Variants in NCMAP observed in about 807,000 individuals in gnomAD.
The protein encoded by NCMAP is non-compact myelin associated protein.
A neutral mutation model predicts 7.8 loss-of-function variants in NCMAP; 8 were observed. The ratio of observed to expected loss-of-function variants is 1.02; its 90% CI spans 0.60 to 1.84. The LOEUF (loss-of-function observed/expected upper bound fraction) is 1.84. Among genes scored for constraint, NCMAP ranks in the 40% most tolerant of loss-of-function variants. The pLI, the probability that NCMAP is intolerant of heterozygous loss-of-function variation, is 0.00. For synonymous variants in NCMAP, 41 were observed against 52.9 expected, an observed-to-expected ratio of 0.78 and a Z score of 0.98; for missense variants, 112 against 131.4, an observed-to-expected ratio of 0.85 and a Z score of 0.72.
chr1:24,585,503 G>A (rs924241756), intron 1 of NCMAP, among the ~76,000 whole-genome samples: 4 of 152,260 alleles, frequency 2.6e-5, no homozygotes, highest in Middle Eastern at 3.4e-3. Context: ...GGAAGACACT[G>A]GTTCTTGTGA....
At chr1:24,597,642 A>AGAAAGAAAGAAG (rs1491521911) in intron 2 of NCMAP, among the ~76,000 whole-genome samples, 5 of 124,744 alleles carry the variant, frequency 4.0e-5, no homozygotes, top group African/African-American at 2.0e-4. Context: ...AAAGAAAGAA[A>AGAAAGAAAGAAG]GAAAGAAAGA....
chr1:24,559,235 C>T (rs1030138932), intron 1 of NCMAP, among the ~76,000 whole-genome samples: 10 of 152,198 alleles, frequency 6.6e-5, no homozygotes, highest in African/African-American at 1.2e-4. Context: ...GTTCCCCTAT[C>T]GGTTTCCCCA....
chr1:24,558,688 G>A (rs1397769263), intron 1 of NCMAP, among the ~76,000 whole-genome samples: 1 of 152,142 alleles, frequency 6.6e-6, no homozygotes, highest in Non-Finnish European at 1.5e-5. Flanking sequence ...GAGGTGACAG[G>A]ATCTCTACAG....
chr1:24,594,213 G>A (rs923952618), intron 1 of NCMAP, among the ~76,000 whole-genome samples: 1 of 151,984 alleles, frequency 6.6e-6, no homozygotes, highest in South Asian at 2.1e-4. Flanking sequence ...TAATATCATC[G>A]TGCCTAGATT....
At chr1:24,563,589 G>T (rs1401474215) in intron 1 of NCMAP, 1 of 146,606 alleles carries the variant, frequency 6.8e-6, no homozygotes, top group Non-Finnish European at 1.5e-5. Flanking sequence ...TGAAAGTCAA[G>T]AAATCTTTGT....
intron 1 of NCMAP, among the ~76,000 whole-genome samples, chr1:24,556,571 T>G (rs1650902233): frequency 6.6e-6 from 1 of 152,140 alleles, no homozygotes; most frequent in Admixed American, 6.5e-5. Context: ...GGCGCCTTGA[T>G]GGGTCTGCCC....
chr1:24,575,811 G>A (rs1386120974), intron 1 of NCMAP, among the ~76,000 whole-genome samples: 3 of 151,364 alleles, frequency 2.0e-5, no homozygotes, highest in Non-Finnish European at 4.4e-5. Flanking sequence ...CGGGCGTGGT[G>A]GCATGTGCCT....
intron 1 of NCMAP, among the ~76,000 whole-genome samples, chr1:24,579,773 G>A (rs1651692638): frequency 6.6e-6 from 1 of 152,158 alleles, no homozygotes; most frequent in Non-Finnish European, 1.5e-5. Context: ...AAAACTCTAG[G>A]TGAGGTGGGC....
intron 1 of NCMAP, among the ~76,000 whole-genome samples, chr1:24,570,902 G>A (rs1172795523): frequency 6.6e-6 from 1 of 150,940 alleles, no homozygotes; most frequent in African/African-American, 2.5e-5. Flanking sequence ...GTGTTGGTAG[G>A]AGAGGGGTGT....
chr1:24,569,027 T>TTTTG lies in NCMAP; in HGVS notation c.-8+12861_-8+12862insGTTT, dbSNP rs67149304. Among the ~76,000 whole-genome samples, 9 of 70,492 alleles carry TTTTG rather than the reference T, an allele frequency of 1.3e-4. 1 individual carries two copies. The highest frequency in any genetic ancestry group is 4.4e-4 in the African/African-American group (9 of 20,282). The allele number at this position is 70,492 out of a possible 152,430, so 46.2% of individuals were successfully genotyped here. A position where few individuals can be genotyped will look rare whatever the true frequency, so the allele number is the denominator to read the frequency against. ...AATATATTTGTTTTGTTTTGTTTTG[T>TTTTG]TTTTTTTTGGAGACTTGCTCTGTCG... On this transcript the variant is annotated intron_variant, in intron 1 of 3. Coordinates refer to ENST00000374392, the MANE Select transcript of NCMAP (RefSeq NM_001010980.5).
intron 1 of NCMAP, among the ~76,000 whole-genome samples, chr1:24,593,131 T>C (rs1358762928): frequency 2.0e-5 from 3 of 151,802 alleles, no homozygotes; most frequent in African/African-American, 4.8e-5. Context: ...TGAGCCGAGA[T>C]TGTGCCACTG....
At chr1:24,569,253 C>A (rs111776662) in intron 1 of NCMAP, among the ~76,000 whole-genome samples, 360 of 152,170 alleles carry the variant, frequency 2.4e-3, no homozygotes, top group African/African-American at 8.4e-3. Context: ...CTCAGCCTCC[C>A]AAAGTGCTGG....
At chr1:24,579,563 A>G (rs1253705781) in intron 1 of NCMAP, among the ~76,000 whole-genome samples, 1 of 152,142 alleles carries the variant, frequency 6.6e-6, no homozygotes, top group East Asian at 1.9e-4. Context: ...AGCAAGACCC[A>G]TCTCTACAAA....
chr1:24,591,705 C>T (rs1652054607), intron 1 of NCMAP, among the ~76,000 whole-genome samples: 1 of 152,046 alleles, frequency 6.6e-6, no homozygotes, highest in African/African-American at 2.4e-5. Flanking sequence ...TCAGGCAGAG[C>T]CACACGGGGT....
Position 24,586,659 on chromosome 1 carries a change from G to T in NCMAP, c.-7-8765G>T, listed in dbSNP as rs539096591. Among the ~76,000 whole-genome samples, 227 of 151,836 alleles carry T rather than the reference G, an allele frequency of 1.5e-3. 1 individual carries two copies. Among genetic ancestry groups the T allele is most frequent in the Middle Eastern group, 3.2e-3 (1 of 316 alleles). ...GCCTGTACTCCCAGCTATTCTGCGA[G>T]GCTGAGGCAGAAGAATCACTTGAAC... On this transcript the variant is annotated intron_variant, in intron 1 of 3. Coordinates refer to ENST00000374392, the MANE Select transcript of NCMAP (RefSeq NM_001010980.5).
At chr1:24,604,608 ATATATATATATATATATAT>A (rs1652647750) in intron 3 of NCMAP, among the ~76,000 whole-genome samples, 4 of 8,972 alleles carry the variant, frequency 4.5e-4, no homozygotes, top group Admixed American at 1.5e-3. Context: ...AAAAAAAAAT[ATATATATATATATATATAT>A]ATATATATAT....
intron 3 of NCMAP, among the ~76,000 whole-genome samples, chr1:24,601,998 G>A (rs1327549787): frequency 2.7e-5 from 4 of 150,688 alleles, no homozygotes; most frequent in Non-Finnish European, 5.9e-5. Context: ...CCGAGATCGC[G>A]CCACTGCACT....
chr1:24,589,178 G>A lies in NCMAP; in HGVS notation c.-7-6246G>A, dbSNP rs143497953. Among the ~76,000 whole-genome samples the A allele has an allele frequency of 3.2e-4, 49 of 152,134 alleles. No homozygotes were observed. In the Middle Eastern group the frequency reaches 0.014, roughly 42 times the overall value. The stretch of plus-strand genomic sequence containing the variant: ...AACATAAAGCACCGAGTGCGGTGCC[G>A]GACACATAGCGCATTATTATTATTA... On this transcript the variant is annotated intron_variant, in intron 1 of 3. Coordinates refer to ENST00000374392, the MANE Select transcript of NCMAP (RefSeq NM_001010980.5).
chr1:24,565,046 A>G (rs1421319441), intron 1 of NCMAP, among the ~76,000 whole-genome samples: 1 of 152,218 alleles, frequency 6.6e-6, no homozygotes, highest in African/African-American at 2.4e-5. Flanking sequence ...AATGAAAGAA[A>G]TGTTCAGGAG....
Sources: allele counts gnomAD v4.1 joint callset (sites outside exome capture counted in the v4.1 genomes callset), GRCh38; gene constraint gnomAD v4.1.1; transcripts MANE v1.5; gene names NCBI Gene and HGNC (gene_info 2026-07-23, HGNC 2026-07-21).